The following SGIP1 variants were observed in gnomAD, a reference collection of about 807,000 sequenced individuals.
The protein encoded by SGIP1 is SH3-containing GRB2-like protein 3-interacting protein 1.
SGIP1 carries 38 observed loss-of-function variants against 107.5 expected under a neutral mutation model. The observed-to-expected ratio is 0.35, with a 90% CI of 0.27 to 0.46. The LOEUF (loss-of-function observed/expected upper bound fraction) is 0.46, where lower values mean the gene tolerates loss of function less well. SGIP1 is among the 20% of genes least tolerant of loss of function. The pLI is 1.00. For synonymous variants in SGIP1, 365 were observed against 366.1 expected, an observed-to-expected ratio of 1.00 and a Z score of 0.03; for missense variants, 929 against 1,019.5, an observed-to-expected ratio of 0.91 and a Z score of 1.21.
intron 23 of SGIP1, 73 bp downstream of exon 23, chr1:66,740,795 C>T: frequency 1.1e-6 from 1 of 928,972 alleles, no homozygotes; most frequent in Non-Finnish European, 1.7e-6. Context: ...CAACTATTAC[C>T]CAAAACATGT....
At chr1:66,540,793 T>C (rs1203335271) in intron 1 of SGIP1, among the ~76,000 whole-genome samples, 1 of 152,202 alleles carries the variant, frequency 6.6e-6, no homozygotes, top group Admixed American at 6.5e-5. Context: ...AGTCTAAGTG[T>C]TGTGACTGCC....
chr1:66,562,396 T>C lies in SGIP1; in HGVS notation c.10+28028T>C, dbSNP rs554038589. On this transcript the variant is annotated intron_variant, in intron 1 of 24. Transcript: ENST00000371037. ...CAAAGGGGGGAAATTCTCTATCTGA[T>C]AGAATTTTAGAAGGGATTGAAACAA... Among the ~76,000 whole-genome samples the C allele has an allele frequency of 2.0e-5, 3 of 152,150 alleles. No individual in the cohort carries two copies. The South Asian group carries it at 6.2e-4, about 32-fold the overall frequency.
At chr1:66,617,955 T>G (rs1006315235) in intron 1 of SGIP1, among the ~76,000 whole-genome samples, 3 of 152,154 alleles carry the variant, frequency 2.0e-5, no homozygotes, top group African/African-American at 7.2e-5. Flanking sequence ...GCAGAGGGTG[T>G]TTTAAAATGT....
chr1:66,718,553 A>G (rs1214578206), intron 18 of SGIP1, among the ~76,000 whole-genome samples: 2 of 152,120 alleles, frequency 1.3e-5, no homozygotes, highest in Admixed American at 6.6e-5. Flanking sequence ...GGGAATAATC[A>G]TACCTATCCC....
chr1:66,659,987 A>T, intron 7 of SGIP1: 1 of 92,208 alleles, frequency 1.1e-5, no homozygotes. Context: ...AGAAAGAAAG[A>T]AAGAAAGAAA....
At chr1:66,640,754 T>G (rs1571098644) in intron 5 of SGIP1, among the ~76,000 whole-genome samples, 1 of 141,102 alleles carries the variant, frequency 7.1e-6, no homozygotes, top group African/African-American at 2.7e-5. Context: ...TTTTAGCAGG[T>G]AAGTTACCTC....
chr1:66,725,735 T>C (rs2093724721), intron 19 of SGIP1, among the ~76,000 whole-genome samples: 1 of 152,214 alleles, frequency 6.6e-6, no homozygotes, highest in African/African-American at 2.4e-5. Context: ...TGCCCTATGA[T>C]TGCTCCAGCT....
intron 17 of SGIP1, among the ~76,000 whole-genome samples, chr1:66,691,836 C>G (rs1227695769): frequency 6.6e-6 from 1 of 152,156 alleles, no homozygotes; most frequent in Non-Finnish European, 1.5e-5. Flanking sequence ...TTTCAATGCA[C>G]TGTGATTCAT....
Position 66,642,759 on chromosome 1 carries a change from C to A in SGIP1, c.229-51C>A, listed in dbSNP as rs779307977. The A allele has an allele frequency of 3.4e-6, 5 of 1,454,806 alleles. No individual in the cohort carries two copies. The South Asian group carries it at 6.8e-5, about 20-fold the overall frequency. The allele number at this position is 1,454,806 out of a possible 1,614,324, so 90.1% of individuals were successfully genotyped here. On this transcript the variant is annotated intron_variant, in intron 5 of 24. Transcript: ENST00000371037. ...GAAGACTCTAGAAAAAAAATAATTT[C>A]TTGATCACTGTTAGGATAATAATTA...
intron 18 of SGIP1, among the ~76,000 whole-genome samples, chr1:66,719,048 T>C (rs2093392913): frequency 6.6e-6 from 1 of 152,134 alleles, no homozygotes. Flanking sequence ...TCTGCTTGGA[T>C]TTTCTTCTCT....
chr1:66,694,447 G>T, intron 17 of SGIP1: 1 of 1,607,698 alleles, frequency 6.2e-7, no homozygotes, highest in South Asian at 1.1e-5. Flanking sequence ...AGTGTCAGAA[G>T]ACGATGTTTT....
intron 1 of SGIP1, among the ~76,000 whole-genome samples, chr1:66,567,741 C>A (rs1019703848): frequency 1.3e-5 from 2 of 152,148 alleles, no homozygotes; most frequent in Admixed American, 1.3e-4. Context: ...GTTTTCCCAA[C>A]ACCATTTATT....
intron 10 of SGIP1, among the ~76,000 whole-genome samples, chr1:66,671,484 C>T (rs1275356521): frequency 6.6e-6 from 1 of 152,136 alleles, no homozygotes; most frequent in Non-Finnish European, 1.5e-5. Flanking sequence ...GCATACAACA[C>T]TTCCTAGGAA....
At chr1:66,691,014 C>T (rs549494927) in intron 17 of SGIP1, among the ~76,000 whole-genome samples, 26 of 152,274 alleles carry the variant, frequency 1.7e-4, no homozygotes, top group African/African-American at 6.3e-4. Flanking sequence ...TCCCCCTTTC[C>T]AAAGCTGGTC....
chr1:66,537,886 C>T (rs967324), intron 1 of SGIP1, among the ~76,000 whole-genome samples: 79,438 of 151,682 alleles, frequency 0.52, 21,220 homozygotes, highest in South Asian at 0.76. Context: ...AACCACAAAG[C>T]TCATGTTTTT....
intron 1 of SGIP1, among the ~76,000 whole-genome samples, chr1:66,611,569 C>T (rs911620755): frequency 5.3e-5 from 8 of 152,198 alleles, no homozygotes; most frequent in Non-Finnish European, 1.2e-4. Flanking sequence ...CTCTTCCTGG[C>T]TGAAGTGGTA....
intron 18 of SGIP1, among the ~76,000 whole-genome samples, chr1:66,702,443 A>T (rs72920340): frequency 0.022 from 3,348 of 152,298 alleles, 124 homozygotes; most frequent in African/African-American, 0.077. Context: ...GGAAAGCATA[A>T]TACCCACCTG....
intron 1 of SGIP1, among the ~76,000 whole-genome samples, chr1:66,615,269 G>A (rs1175986887): frequency 1.3e-5 from 2 of 152,060 alleles, no homozygotes; most frequent in African/African-American, 4.8e-5. Context: ...TGAGTAGCTG[G>A]GATTACAGGC....
intron 1 of SGIP1, among the ~76,000 whole-genome samples, chr1:66,575,544 A>G (rs2060944998): frequency 1.3e-5 from 2 of 152,034 alleles, no homozygotes; most frequent in Admixed American, 1.3e-4. Flanking sequence ...TATCAAACCT[A>G]TGTGTATTGA....
Sources: gnomAD v4.1 joint callset for allele counts (sites outside exome capture counted in the v4.1 genomes callset) on GRCh38, gnomAD v4.1.1 for gene constraint, MANE v1.5 for transcripts, NCBI Gene and HGNC (gene_info 2026-07-23, HGNC 2026-07-21) for gene names.